The following CSPP1 variants were observed in gnomAD, a reference collection of about 807,000 sequenced individuals.
The protein encoded by CSPP1 is centrosome and spindle pole associated protein 1.
Under a neutral mutation model 164.4 loss-of-function variants are expected in CSPP1, and 126 were observed. That is an observed-to-expected ratio of 0.77 (90% CI 0.66 to 0.89). The LOEUF (loss-of-function observed/expected upper bound fraction) is 0.89, where lower values mean the gene tolerates loss of function less well. Among genes scored for constraint, CSPP1 ranks in the 40% least tolerant of loss-of-function variants. The pLI, the probability that CSPP1 is intolerant of heterozygous loss-of-function variation, is 0.00. For synonymous variants in CSPP1, 472 were observed against 476.7 expected (o/e 0.99, Z 0.13); for missense variants, 1,395 against 1,449.8 (o/e 0.96, Z 0.61).
intron 7 of CSPP1, among the ~76,000 whole-genome samples, chr8:67,098,567 G>A (rs1813339059): frequency 1.3e-5 from 2 of 151,616 alleles, no homozygotes; most frequent in African/African-American, 4.8e-5. Context: ...ATTGATAGTT[G>A]CATTCTGTGT....
chr8:67,104,679 C>T (rs1814994695), intron 8 of CSPP1, among the ~76,000 whole-genome samples: 1 of 151,278 alleles, frequency 6.6e-6, no homozygotes, highest in Non-Finnish European at 1.5e-5. Context: ...ACTCTGTCAC[C>T]CAGACTGGAG....
chr8:67,146,551 A>G (rs1363650369), intron 17 of CSPP1, among the ~76,000 whole-genome samples: 1 of 152,138 alleles, frequency 6.6e-6, no homozygotes, highest in Non-Finnish European at 1.5e-5. Flanking sequence ...TGATATATGT[A>G]TTGTTAGTAG....
chr8:67,175,605 G>A, intron 26 of CSPP1, 169 bp downstream of exon 26: 1 of 773,590 alleles, frequency 1.3e-6, no homozygotes, highest in Admixed American at 2.0e-5. Flanking sequence ...GTATGAGAGA[G>A]AGCTCTGAGT....
At chr8:67,082,742 A>G (rs535567860) in intron 3 of CSPP1, among the ~76,000 whole-genome samples, 101 of 152,330 alleles carry the variant, frequency 6.6e-4, no homozygotes, top group Non-Finnish European at 7.8e-4. Flanking sequence ...TATGTAAGCC[A>G]CAACTGTTAT....
At chr8:67,079,139 A>T (rs1159874197) in intron 3 of CSPP1, among the ~76,000 whole-genome samples, 1 of 152,036 alleles carries the variant, frequency 6.6e-6, no homozygotes, top group Non-Finnish European at 1.5e-5. Context: ...CATCTTATAC[A>T]TTCCCCGAGT....
chr8:67,091,911 G>C, intron 5 of CSPP1, 28 bp downstream of exon 5: 1 of 1,027,654 alleles, frequency 9.7e-7, no homozygotes, highest in South Asian at 1.4e-5. Context: ...GTTATTGTGG[G>C]TACCAGTTTT....
chr8:67,184,837 A>C (rs1020312324), intron 28 of CSPP1, among the ~76,000 whole-genome samples: 1 of 148,334 alleles, frequency 6.7e-6, no homozygotes, highest in African/African-American at 2.5e-5. Flanking sequence ...CGGTGGCTCA[A>C]GCCTGTAATC....
At chr8:67,180,220 TA>T (rs1296141457) in intron 28 of CSPP1, among the ~76,000 whole-genome samples, 3 of 152,110 alleles carry the variant, frequency 2.0e-5, no homozygotes, top group South Asian at 2.1e-4. Flanking sequence ...GATGAATGGT[TA>T]AAAAAACTCT....
chr8:67,088,764 G>A (rs1226114188), intron 4 of CSPP1, among the ~76,000 whole-genome samples: 2 of 151,510 alleles, frequency 1.3e-5, no homozygotes, highest in East Asian at 4.0e-4. Flanking sequence ...TGGCGTGGTG[G>A]CAGGCGCCTG....
intron 9 of CSPP1, 57 bp from the exon 10 acceptor site, chr8:67,111,915 C>A: frequency 9.5e-7 from 1 of 1,054,398 alleles, no homozygotes; most frequent in African/African-American, 1.6e-5. Context: ...ACTTAACTTT[C>A]TAATTGCATA....
chr8:67,137,439 T>C lies in CSPP1; in HGVS notation c.1828-17T>C. Reference sequence around the variant, plus strand: ...TACTTGTCAGCGTTTATTTTAAATATATCTTATGTTGTCAAGATTCGGGAA... The same window carrying C: ...TACTTGTCAGCGTTTATTTTAAATACATCTTATGTTGTCAAGATTCGGGAA... On this transcript the variant is annotated splice_polypyrimidine_tract_variant and intron_variant, in intron 16 of 30. Transcript: ENST00000678616. 6 of 1,428,580 alleles carry C rather than the reference T, an allele frequency of 4.2e-6. No homozygotes were observed. Among genetic ancestry groups the C allele is most frequent in the South Asian group, 1.5e-5 (1 of 68,546 alleles). The allele number at this position is 1,428,580 out of a possible 1,614,324, so 88.5% of individuals were successfully genotyped here. A position where few individuals can be genotyped will look rare whatever the true frequency, so the allele number is the denominator to read the frequency against.
intron 7 of CSPP1, among the ~76,000 whole-genome samples, chr8:67,096,808 T>A (rs1162115620): frequency 2.0e-5 from 3 of 152,062 alleles, no homozygotes; most frequent in Non-Finnish European, 4.4e-5. Flanking sequence ...GAGGTTGCAG[T>A]GAGCCGAGAT....
chr8:67,193,796 A>G (rs1837100577), intron 30 of CSPP1, among the ~76,000 whole-genome samples, 194 bp downstream of exon 30: 1 of 152,248 alleles, frequency 6.6e-6, no homozygotes, highest in Admixed American at 6.5e-5. Flanking sequence ...TTTCTCTATC[A>G]GAGAGGGTGC....
At position 67,182,630 on chromosome 8, in the gene CSPP1, T is replaced by G. The variant is rs532279708; in HGVS notation, c.3220+2704T>G. Among the ~76,000 whole-genome samples the G allele has an allele frequency of 2.6e-5, 4 of 152,360 alleles. No individual in the cohort carries two copies. The East Asian group carries it at 7.7e-4, about 29-fold the overall frequency. Reference sequence around the variant, plus strand: ...CAGTGCACAAAAGTTCCGATTTCTCTACATCCTTAACACTTGTTACTTTGT... The same window carrying G: ...CAGTGCACAAAAGTTCCGATTTCTCGACATCCTTAACACTTGTTACTTTGT... On this transcript the variant is annotated intron_variant, in intron 28 of 30. Coordinates refer to ENST00000678616, the MANE Select transcript of CSPP1 (RefSeq NM_001382391.1).
intron 15 of CSPP1, among the ~76,000 whole-genome samples, chr8:67,126,542 T>A (rs1820105165): frequency 1.3e-5 from 2 of 152,174 alleles, no homozygotes; most frequent in South Asian, 4.1e-4. Context: ...TGCCAACTGG[T>A]TCTGTGTGTG....
chr8:67,069,649 T>TTTTCTTTTC (rs1806294764), intron 1 of CSPP1, among the ~76,000 whole-genome samples: 1 of 151,796 alleles, frequency 6.6e-6, no homozygotes, highest in South Asian at 2.1e-4. Context: ...CATTTCTTTT[T>TTTTCTTTTC]TTTCTTTTCT....
intron 24 of CSPP1, 119 bp from the exon 25 acceptor site, chr8:67,172,293 CTAGA>C: frequency 1.4e-6 from 1 of 698,674 alleles, no homozygotes; most frequent in East Asian, 2.7e-5. Flanking sequence ...AGCACCTGTC[CTAGA>C]GTAATTTTTT....
intron 1 of CSPP1, among the ~76,000 whole-genome samples, chr8:67,066,784 G>C (rs982466612): frequency 1.4e-5 from 2 of 144,960 alleles, no homozygotes; most frequent in Admixed American, 1.3e-4. Flanking sequence ...TTTGTTTTTT[G>C]TTTGTTTGTT....
chr8:67,074,830 G>A (rs549222742), intron 2 of CSPP1: 4 of 295,658 alleles, frequency 1.4e-5, no homozygotes, highest in South Asian at 1.1e-4. Context: ...GGCCAGGCAG[G>A]ACTGCAATGG....
Sources: allele counts gnomAD v4.1 joint callset (sites outside exome capture counted in the v4.1 genomes callset), GRCh38; gene constraint gnomAD v4.1.1; transcripts MANE v1.5; gene names NCBI Gene and HGNC (gene_info 2026-07-23, HGNC 2026-07-21).